AGBL1: variants seen among roughly 807,000 people sequenced by gnomAD.
AGBL1 encodes the protein AGBL carboxypeptidase 1.
Under a neutral mutation model 118.9 loss-of-function variants are expected in AGBL1, and 130 were observed. The ratio of observed to expected loss-of-function variants is 1.09; its 90% CI spans 0.95 to 1.26. AGBL1 has a LOEUF of 1.26. Ranked by LOEUF, AGBL1 falls within the 50% of genes most tolerant of loss-of-function variation. The pLI, the probability that AGBL1 is intolerant of heterozygous loss-of-function variation, is 0.00. For synonymous variants in AGBL1, 555 were observed against 478.9 expected (o/e 1.16, Z -2.08); for missense variants, 1,584 against 1,298.1 (o/e 1.22, Z -3.38).
intron 22 of AGBL1, among the ~76,000 whole-genome samples, chr15:86,769,562 C>G (rs576048899): frequency 6.6e-6 from 1 of 151,978 alleles, no homozygotes; most frequent in Non-Finnish European, 1.5e-5. Context: ...GGAAACCTTT[C>G]CATTGTCCAG....
intron 17 of AGBL1, among the ~76,000 whole-genome samples, chr15:86,390,801 C>G (rs761408324): frequency 4.0e-5 from 6 of 150,374 alleles, no homozygotes; most frequent in Non-Finnish European, 7.4e-5. Context: ...TCCCAAGGAG[C>G]TGGGATTACA....
chr15:86,532,744 T>C (rs1427417376), intron 19 of AGBL1, among the ~76,000 whole-genome samples: 1 of 150,724 alleles, frequency 6.6e-6, no homozygotes, highest in Non-Finnish European at 1.5e-5. Flanking sequence ...AAGAGCATGG[T>C]ACTGGTACCA....
chr15:86,529,303 T>C (rs1420554519), intron 19 of AGBL1, among the ~76,000 whole-genome samples: 14 of 133,792 alleles, frequency 1.0e-4, no homozygotes, highest in Admixed American at 1.4e-4. Flanking sequence ...GAGAACTACG[T>C]GAAGAATGCA....
chr15:86,118,500 G>T (rs2141569829), intron 1 of AGBL1, among the ~76,000 whole-genome samples: 1 of 151,162 alleles, frequency 6.6e-6, no homozygotes, highest in South Asian at 2.1e-4. Flanking sequence ...ATGAGAAGTT[G>T]CATCTTAAAT....
chr15:86,328,450 C>T (rs376100842), intron 17 of AGBL1, among the ~76,000 whole-genome samples: 8 of 152,124 alleles, frequency 5.3e-5, no homozygotes, highest in East Asian at 1.9e-4. Context: ...ATAAAGAAAA[C>T]GGTTTTTAAT....
intron 23 of AGBL1, among the ~76,000 whole-genome samples, chr15:86,986,550 AGG>A (rs2081284624): frequency 3.4e-4 from 1 of 2,946 alleles, no homozygotes. Flanking sequence ...AATAGCAAAA[AGG>A]AGGAGGAGGA....
chr15:86,766,718 T>G (rs376787838), intron 22 of AGBL1, among the ~76,000 whole-genome samples: 6 of 151,990 alleles, frequency 3.9e-5, no homozygotes, highest in Non-Finnish European at 8.8e-5. Flanking sequence ...CTAGAGATAC[T>G]GTCAAAAAGA....
chr15:86,653,165 A>AT (rs2085404661), intron 21 of AGBL1, among the ~76,000 whole-genome samples: 1 of 119,926 alleles, frequency 8.3e-6, no homozygotes, highest in Non-Finnish European at 2.0e-5. Flanking sequence ...CTCAAATGCA[A>AT]ACCAAAATGA....
chr15:86,541,215 G>A (rs1468467182), intron 19 of AGBL1, among the ~76,000 whole-genome samples: 1 of 152,156 alleles, frequency 6.6e-6, no homozygotes, highest in African/African-American at 2.4e-5. Context: ...TTAGACTAGA[G>A]GCTTTGAAAG....
intron 24 of AGBL1, among the ~76,000 whole-genome samples, chr15:86,990,969 C>T (rs540329690): frequency 6.6e-6 from 1 of 152,102 alleles, no homozygotes; most frequent in African/African-American, 2.4e-5. Flanking sequence ...GCTGTGGATA[C>T]AAGAGGATTC....
At chr15:86,941,890 G>T (rs2080756437) in intron 23 of AGBL1, among the ~76,000 whole-genome samples, 1 of 152,216 alleles carries the variant, frequency 6.6e-6, no homozygotes, top group Non-Finnish European at 1.5e-5. Flanking sequence ...TCTCTCCAGT[G>T]CCTTGTAGTG....
chr15:86,396,497 T>G, intron 17 of AGBL1, among the ~76,000 whole-genome samples: 1 of 152,082 alleles, frequency 6.6e-6, no homozygotes. Flanking sequence ...GAAGCAAGCA[T>G]TGTAACTCCA....
chr15:86,918,056 A>C (rs184716610), downstream of AGBL1, among the ~76,000 whole-genome samples: 2 of 152,332 alleles, frequency 1.3e-5, no homozygotes, highest in East Asian at 1.9e-4. Flanking sequence ...GAAGCCACCA[A>C]AGAGAATTCA....
chr15:86,318,090 A>T (rs944304617), intron 17 of AGBL1, among the ~76,000 whole-genome samples: 1 of 152,224 alleles, frequency 6.6e-6, no homozygotes, highest in Non-Finnish European at 1.5e-5. Flanking sequence ...GCAGTGCATG[A>T]ATGTCTGTCA....
intron 17 of AGBL1, among the ~76,000 whole-genome samples, chr15:86,372,763 A>T (rs1042442124): frequency 6.6e-6 from 1 of 151,870 alleles, no homozygotes; most frequent in Non-Finnish European, 1.5e-5. Context: ...GCTAGATTCC[A>T]GATGCTACAA....
intron 22 of AGBL1, among the ~76,000 whole-genome samples, chr15:86,781,466 G>A (rs1368181996): frequency 1.3e-5 from 2 of 152,102 alleles, no homozygotes; most frequent in Non-Finnish European, 2.9e-5. Flanking sequence ...TGTATTCTGA[G>A]TGCATGACCC....
Position 86,891,532 on chromosome 15 carries a change from G to C in AGBL1, c.3159-15555G>C, listed in dbSNP as rs1375685642. On this transcript the variant is annotated intron_variant, in intron 22 of 22. Coordinates refer to ENST00000614907, the MANE Select transcript of AGBL1 (RefSeq NM_001386094.1). ...TGTCTCATTTTAGCAATGACCCACAGATATCCAGTAGAATGTGTCTGACAC... is the reference window on the plus strand; with the variant it reads ...TGTCTCATTTTAGCAATGACCCACACATATCCAGTAGAATGTGTCTGACAC... Among the ~76,000 whole-genome samples the C allele has an allele frequency of 2.0e-5, 3 of 150,530 alleles. No individual in the cohort carries two copies. The South Asian group carries it at 6.3e-4, about 32-fold the overall frequency.
At chr15:86,535,458 G>C (rs541599538) in intron 19 of AGBL1, among the ~76,000 whole-genome samples, 1 of 152,340 alleles carries the variant, frequency 6.6e-6, no homozygotes, top group East Asian at 1.9e-4. Context: ...ATTGCAGCTG[G>C]CCTGGCCCCT....
intron 22 of AGBL1, among the ~76,000 whole-genome samples, chr15:86,775,338 G>T (rs2078239681): frequency 6.6e-6 from 1 of 152,066 alleles, no homozygotes; most frequent in African/African-American, 2.4e-5. Flanking sequence ...AATATATGAA[G>T]AAAAATGCAA....
Sources: allele counts gnomAD v4.1 joint callset (sites outside exome capture counted in the v4.1 genomes callset), GRCh38; gene constraint gnomAD v4.1.1; transcripts MANE v1.5; gene names NCBI Gene and HGNC (gene_info 2026-07-23, HGNC 2026-07-21).